ARNT2: variants seen among roughly 807,000 people sequenced by gnomAD.
The protein encoded by ARNT2 is ARNT protein 2.
A neutral mutation model predicts 91.7 loss-of-function variants in ARNT2; 36 were observed. The ratio of observed to expected loss-of-function variants is 0.39; its 90% CI spans 0.30 to 0.52. The LOEUF is 0.52. Ranked by LOEUF, ARNT2 falls within the 20% of genes least tolerant of loss-of-function variation. The pLI is 0.72. For missense variants in ARNT2, 775 were observed against 939.3 expected (o/e 0.83, Z 2.29); for synonymous variants, 365 against 347.1 (o/e 1.05, Z -0.57).
At chr15:80,493,576 G>C (rs1374164280) in intron 5 of ARNT2, among the ~76,000 whole-genome samples, 1 of 152,140 alleles carries the variant, frequency 6.6e-6, no homozygotes, top group African/African-American at 2.4e-5. Flanking sequence ...ATATGAGGGG[G>C]CTCTGCCTCT....
chr15:80,571,224 G>A (rs1438948659), intron 12 of ARNT2, among the ~76,000 whole-genome samples: 1 of 152,190 alleles, frequency 6.6e-6, no homozygotes, highest in Non-Finnish European at 1.5e-5. Context: ...GAGCTCTCTA[G>A]CAGAGAAAGT....
intron 5 of ARNT2, among the ~76,000 whole-genome samples, chr15:80,491,113 C>T (rs1897050610): frequency 6.6e-6 from 1 of 152,036 alleles, no homozygotes; most frequent in South Asian, 2.1e-4. Context: ...AATAGCATAG[C>T]ATGTGAAAAG....
intron 10 of ARNT2, 34 bp downstream of exon 10, chr15:80,552,808 C>G: frequency 6.2e-7 from 1 of 1,602,688 alleles, no homozygotes; most frequent in Non-Finnish European, 8.5e-7. Context: ...TGGCAATTGA[C>G]TAGAGATTTA....
At position 80,574,890 on chromosome 15, in the gene ARNT2, A is replaced by C. The variant is rs1054711384; in HGVS notation, c.1390-97A>C. 7.8e-6 allele frequency: 11 copies of C among 1,413,374 alleles called. No homozygotes were observed. In the African/African-American group the frequency reaches 1.4e-4, roughly 18 times the overall value. The allele number at this position is 1,413,374 out of a possible 1,614,324, so 87.6% of individuals were successfully genotyped here. ...CCAAAATGCCAGTGATTCCAGAGGG[A>C]GGGGGCTCTGATGAAGGAGAGCTGG... On this transcript the variant is annotated intron_variant, in intron 13 of 18. Coordinates refer to ENST00000303329, the MANE Select transcript of ARNT2 (RefSeq NM_014862.4).
chr15:80,411,522 T>C (rs1383675122), intron 1 of ARNT2, among the ~76,000 whole-genome samples: 1 of 152,238 alleles, frequency 6.6e-6, no homozygotes, highest in Non-Finnish European at 1.5e-5. Flanking sequence ...TGACTTTTAT[T>C]TGTGGAAACT....
chr15:80,470,270 A>T lies in ARNT2; in HGVS notation c.247A>T (p.Ile83Phe). The T allele has an allele frequency of 6.2e-7, 1 of 1,614,214 alleles. No individual in the cohort carries two copies. The highest frequency in any genetic ancestry group is 8.5e-7 in the Non-Finnish European group (1 of 1,180,038). ...RRRRNKMTQY[I>F]TELSDMVPTC... ...CAGACGGAACAAGATGACTCAGTACATCACGGAGCTCTCCGACATGGTCCC... is the reference window on the plus strand; with the variant it reads ...CAGACGGAACAAGATGACTCAGTACTTCACGGAGCTCTCCGACATGGTCCC... The change falls in exon 4 of 19, where the codon ATC (isoleucine) becomes TTC (phenylalanine). Residue 83 changes from isoleucine to phenylalanine, a missense_variant. Physicochemically the swap from Ile to Phe is conservative, Grantham distance 21 (BLOSUM62 0). Coordinates refer to ENST00000303329, the MANE Select transcript of ARNT2 (RefSeq NM_014862.4).
chr15:80,522,958 G>A (rs1897577749), intron 8 of ARNT2, among the ~76,000 whole-genome samples: 1 of 152,046 alleles, frequency 6.6e-6, no homozygotes, highest in East Asian at 1.9e-4. Context: ...CCTTCCCAGT[G>A]TTCAGAGCCT....
intron 12 of ARNT2, among the ~76,000 whole-genome samples, chr15:80,568,683 C>A (rs1212991906): frequency 1.3e-5 from 2 of 152,242 alleles, no homozygotes; most frequent in African/African-American, 2.4e-5. Context: ...AGCCCCAGAT[C>A]TGGGAGCTAT....
intron 12 of ARNT2, among the ~76,000 whole-genome samples, chr15:80,571,932 G>A (rs1213078720): frequency 6.6e-6 from 1 of 152,128 alleles, no homozygotes; most frequent in African/African-American, 2.4e-5. Context: ...TAATATGGGG[G>A]TGAAGTAACC....
intron 5 of ARNT2, among the ~76,000 whole-genome samples, chr15:80,479,884 T>G (rs1294098278): frequency 6.6e-6 from 1 of 152,070 alleles, no homozygotes; most frequent in South Asian, 2.1e-4. Context: ...CCAAGGCACT[T>G]GGATTCAGAA....
At chr15:80,572,111 C>T (rs898614323) in intron 12 of ARNT2, among the ~76,000 whole-genome samples, 7 of 151,210 alleles carry the variant, frequency 4.6e-5, no homozygotes, top group Non-Finnish European at 7.4e-5. Context: ...TTTCCTCATG[C>T]GGAAAGGGAA....
intron 12 of ARNT2, among the ~76,000 whole-genome samples, chr15:80,569,993 G>A (rs1470463109): frequency 6.6e-6 from 1 of 152,230 alleles, no homozygotes; most frequent in African/African-American, 2.4e-5. Flanking sequence ...AAAGTCCCAA[G>A]GAACAGATTT....
chr15:80,420,106 C>G (rs1254860286), intron 1 of ARNT2, among the ~76,000 whole-genome samples: 4 of 152,178 alleles, frequency 2.6e-5, no homozygotes, highest in Non-Finnish European at 5.9e-5. Context: ...AACCCACATT[C>G]TGGATCTGTC....
At chr15:80,452,018 C>T (rs578077931) in intron 2 of ARNT2, among the ~76,000 whole-genome samples, 5 of 152,260 alleles carry the variant, frequency 3.3e-5, no homozygotes, top group East Asian at 1.9e-4. Context: ...AGGGTGTGCC[C>T]GTTTTTAGGT....
chr15:80,554,082 G>A lies in ARNT2; in HGVS notation c.1090-983G>A, dbSNP rs376862618. Among the ~76,000 whole-genome samples, 72 of 152,258 alleles carry A rather than the reference G, an allele frequency of 4.7e-4. 1 individual carries two copies. The East Asian group carries it at 9.3e-3, about 20-fold the overall frequency. On this transcript the variant is annotated intron_variant, in intron 10 of 18. Transcript: ENST00000303329. Reference sequence around the variant, plus strand: ...TAGACCATTTGCTGATTTGGATTGCGATCTATGAGTTAGTTTAAATCTTTT... The same window carrying A: ...TAGACCATTTGCTGATTTGGATTGCAATCTATGAGTTAGTTTAAATCTTTT...
chr15:80,546,442 G>T (rs1201287010), intron 8 of ARNT2, among the ~76,000 whole-genome samples: 1 of 152,206 alleles, frequency 6.6e-6, no homozygotes, highest in Non-Finnish European at 1.5e-5. Context: ...ATAAATCAAG[G>T]TTCCTTAGCA....
intron 12 of ARNT2, among the ~76,000 whole-genome samples, chr15:80,571,158 A>G (rs929480730): frequency 5.3e-5 from 8 of 152,246 alleles, no homozygotes; most frequent in African/African-American, 1.4e-4. Context: ...CTTAGGGGTC[A>G]GGCTTTTTAT....
chr15:80,547,009 A>G (rs1205894908), intron 8 of ARNT2, among the ~76,000 whole-genome samples: 2 of 151,994 alleles, frequency 1.3e-5, no homozygotes, highest in Admixed American at 1.3e-4. Flanking sequence ...AAAGAAAGAA[A>G]TAGAGGCAAT....
At chr15:80,438,758 C>T (rs8042727) in intron 1 of ARNT2, among the ~76,000 whole-genome samples, 7 of 152,134 alleles carry the variant, frequency 4.6e-5, no homozygotes, top group South Asian at 2.1e-4. Context: ...GGTGCAATCT[C>T]GGCCCACTAC....
Sources: gnomAD v4.1 joint callset for allele counts (sites outside exome capture counted in the v4.1 genomes callset) on GRCh38, gnomAD v4.1.1 for gene constraint, MANE v1.5 for transcripts, NCBI Gene and HGNC (gene_info 2026-07-23, HGNC 2026-07-21) for gene names.